SLC9B1: variants seen among roughly 807,000 people sequenced by gnomAD.
SLC9B1 encodes sodium/hydrogen exchanger 9B1.
Under a neutral mutation model 51.7 loss-of-function variants are expected in SLC9B1, and 32 were observed. The observed-to-expected ratio is 0.62, with a 90% CI of 0.47 to 0.83. The LOEUF (loss-of-function observed/expected upper bound fraction) is 0.83, where lower values mean the gene tolerates loss of function less well. Ranked by LOEUF, SLC9B1 falls within the 40% of genes least tolerant of loss-of-function variation. The pLI is 0.00. For synonymous variants in SLC9B1, 145 were observed against 212.7 expected, an observed-to-expected ratio of 0.68 and a Z score of 2.77; for missense variants, 406 against 613.2, an observed-to-expected ratio of 0.66 and a Z score of 3.57.
At chr4:102,956,324 A>G (rs1266123066) in intron 3 of SLC9B1, among the ~76,000 whole-genome samples, 1 of 152,088 alleles carries the variant, frequency 6.6e-6, no homozygotes, top group Non-Finnish European at 1.5e-5. Flanking sequence ...TAAAAAAAAA[A>G]AAAAAAGACT....
chr4:102,999,230 G>A (rs1418673360), intron 1 of SLC9B1, among the ~76,000 whole-genome samples: 5 of 152,146 alleles, frequency 3.3e-5, no homozygotes, highest in African/African-American at 9.7e-5. Context: ...TAATATGCAA[G>A]TATTTTCTGT....
At chr4:102,989,775 C>T (rs752667241) in intron 3 of SLC9B1, 25 bp downstream of exon 3, 9 of 1,486,208 alleles carry the variant, frequency 6.1e-6, no homozygotes, top group Middle Eastern at 2.2e-4. Flanking sequence ...ATCTTCTCTT[C>T]ATTTACATTT....
At chr4:102,933,802 T>C (rs1027342846) in intron 6 of SLC9B1, among the ~76,000 whole-genome samples, 2 of 152,190 alleles carry the variant, frequency 1.3e-5, no homozygotes, top group Admixed American at 6.5e-5. Context: ...ACTGTGAAGA[T>C]AGTCTATACT....
At chr4:102,995,229 CT>C (rs1740151941) in intron 1 of SLC9B1, among the ~76,000 whole-genome samples, 1 of 152,140 alleles carries the variant, frequency 6.6e-6, no homozygotes, top group Admixed American at 6.6e-5. Flanking sequence ...GAAATATAGG[CT>C]TCTGTTCTCA....
At chr4:103,002,320 G>A (rs1740567456) in intron 1 of SLC9B1, among the ~76,000 whole-genome samples, 1 of 152,182 alleles carries the variant, frequency 6.6e-6, no homozygotes, top group African/African-American at 2.4e-5. Flanking sequence ...AGGAGTTGGA[G>A]CCCATCAGGC....
At chr4:102,943,979 T>C (rs1737146245) in intron 6 of SLC9B1, among the ~76,000 whole-genome samples, 2 of 152,138 alleles carry the variant, frequency 1.3e-5, no homozygotes, top group South Asian at 4.1e-4. Flanking sequence ...GGGGTATATC[T>C]CAGGGTTAGA....
At chr4:102,966,580 G>A (rs968304553) in intron 3 of SLC9B1, among the ~76,000 whole-genome samples, 1 of 152,140 alleles carries the variant, frequency 6.6e-6, no homozygotes, top group African/African-American at 2.4e-5. Flanking sequence ...CCAGAATTTG[G>A]GGAGCAGGAT....
In SLC9B1 at chr4:102,932,199, T is replaced by A. The variant is rs1286919438; in HGVS notation, c.754A>T (p.Met252Leu). Reference sequence around the variant, plus strand: ...ATGTCATCCATACTGCTAGCAGCCATTAATAAGGTTGGAATGCCTTCCTCA... The same window carrying A: ...ATGTCATCCATACTGCTAGCAGCCAATAATAAGGTTGGAATGCCTTCCTCA... The part of the protein sequence containing the change: ...GVEEGIPTLL[M>L]AASSMDDILA... Residue 252 changes from methionine (M) to leucine (L), a missense_variant, in exon 7 of 12, where the codon ATG (methionine) becomes TTG (leucine). Met to Leu is a conservative substitution (Grantham distance 15). Around this residue, in one of 6 missense-constraint regions of SLC9B1, gnomAD observed 250 missense variants for 394.1 expected, o/e 0.63. Transcript: ENST00000296422. The A allele has an allele frequency of 6.2e-7, 1 of 1,611,824 alleles. No individual in the cohort carries two copies. The highest frequency in any genetic ancestry group is 8.5e-7 in the Non-Finnish European group (1 of 1,179,820).
In SLC9B1 at chr4:102,901,107, G is replaced by A. The variant is rs9631728; in HGVS notation, c.*10C>T. 1.2e-6 allele frequency: 2 copies of A among 1,608,900 alleles called. No homozygotes were observed. Among genetic ancestry groups the A allele is most frequent in the East Asian group, 2.2e-5 (1 of 44,882 alleles). On this transcript the variant is annotated 3_prime_UTR_variant, in exon 12 of 12. Transcript: ENST00000296422. ...TAAAAGAAGCAGGCAGATGATGACA[G>A]GTAAACTTTTTAATGATGTTCTAAT...
downstream of SLC9B1, among the ~76,000 whole-genome samples, chr4:102,899,168 C>T (rs2110418774): frequency 6.6e-6 from 1 of 150,738 alleles, no homozygotes; most frequent in East Asian, 1.9e-4. Flanking sequence ...TAAATAACAA[C>T]ATCTGCCACA....
intron 3 of SLC9B1, among the ~76,000 whole-genome samples, chr4:102,986,753 C>G (rs964561377): frequency 4.6e-5 from 7 of 152,136 alleles, no homozygotes; most frequent in African/African-American, 1.7e-4. Context: ...CTTTGTCCAG[C>G]CTACTAATAA....
intron 7 of SLC9B1, among the ~76,000 whole-genome samples, chr4:102,924,849 A>T (rs1487996758): frequency 6.6e-6 from 1 of 152,238 alleles, no homozygotes; most frequent in Non-Finnish European, 1.5e-5. Flanking sequence ...TCAAAACCAC[A>T]ATGAGATACC....
intron 1 of SLC9B1, chr4:103,014,924 T>A (rs1741243949): frequency 6.6e-6 from 1 of 152,152 alleles, no homozygotes; most frequent in Non-Finnish European, 1.5e-5. Context: ...TTTCCTCATC[T>A]GAAAAAGGCC....
In SLC9B1 at chr4:102,920,268, G is replaced by A. The variant is rs1342974822; in HGVS notation, c.830-8731C>T. ...CACTGGTGATACTCAGGCAAACAGG[G>A]TCTGGAGTGGAACTCCAGCAAACTC... On this transcript the variant is annotated intron_variant, in intron 7 of 11. Coordinates refer to ENST00000296422, the MANE Select transcript of SLC9B1 (RefSeq NM_139173.4). 2.0e-5 allele frequency among the ~76,000 whole-genome samples: 3 copies of A among 152,336 alleles called. No individual in the cohort carries two copies. The East Asian group carries it at 5.8e-4, about 29-fold the overall frequency.
At chr4:102,991,844 T>C (rs1211337474) in intron 1 of SLC9B1, 132 bp from the exon 2 acceptor site, 2 of 574,790 alleles carry the variant, frequency 3.5e-6, no homozygotes, top group African/African-American at 1.9e-5. Context: ...TCAAGTCAGA[T>C]ATCTTTATAG....
intron 3 of SLC9B1, among the ~76,000 whole-genome samples, chr4:102,989,018 G>C (rs1225109557): frequency 4.0e-5 from 6 of 151,894 alleles, no homozygotes; most frequent in Non-Finnish European, 8.8e-5. Flanking sequence ...CACTTACACT[G>C]GCAGATGAGG....
At chr4:102,943,516 C>T (rs1737118175) in intron 6 of SLC9B1, among the ~76,000 whole-genome samples, 5 of 151,716 alleles carry the variant, frequency 3.3e-5, no homozygotes, top group Admixed American at 3.3e-4. Flanking sequence ...TACACACACA[C>T]ACACACACAC....
At chr4:102,946,597 G>A (rs201779180) in intron 5 of SLC9B1, 50 bp downstream of exon 5, 13 of 1,562,442 alleles carry the variant, frequency 8.3e-6, no homozygotes, top group Non-Finnish European at 1.1e-5. Context: ...CTTTCTCACC[G>A]TCCTCTAATA....
chr4:102,907,463 T>G (rs1735110858), intron 9 of SLC9B1, among the ~76,000 whole-genome samples: 1 of 152,248 alleles, frequency 6.6e-6, no homozygotes, highest in Non-Finnish European at 1.5e-5. Context: ...GAACCCATGT[T>G]GAATATTTTA....
Sources: gnomAD v4.1 joint callset for allele counts (sites outside exome capture counted in the v4.1 genomes callset) on GRCh38, gnomAD v4.1.1 for gene constraint, gnomAD v4.1.1 regional missense constraint, MANE v1.5 for transcripts, NCBI Gene and HGNC (gene_info 2026-07-23, HGNC 2026-07-21) for gene names.